The following COL23A1 variants were observed in gnomAD, a reference collection of about 807,000 sequenced individuals.
COL23A1 encodes the protein collagen type XXIII alpha 1 chain.
Under a neutral mutation model 99.3 loss-of-function variants are expected in COL23A1, and 97 were observed. The observed-to-expected ratio is 0.98, with a 90% CI of 0.83 to 1.16. The LOEUF (loss-of-function observed/expected upper bound fraction) is 1.16, where lower values mean the gene tolerates loss of function less well. COL23A1 is among the 50% of genes most tolerant of loss of function. The probability of loss-of-function intolerance (pLI) is 0.00; values close to 1 mark genes in which losing one functional copy is unlikely to be tolerated. For synonymous variants in COL23A1, 320 were observed against 308.2 expected (o/e 1.04, Z -0.40); for missense variants, 762 against 757.4 (o/e 1.01, Z -0.07).
intron 2 of COL23A1, among the ~76,000 whole-genome samples, chr5:178,557,508 GC>G (rs1762338166): frequency 6.6e-6 from 1 of 152,166 alleles, no homozygotes; most frequent in Admixed American, 6.5e-5. Context: ...CGAGAGAGAA[GC>G]CCCTGCCACC....
intron 2 of COL23A1, among the ~76,000 whole-genome samples, chr5:178,549,662 A>G (rs923702957): frequency 1.3e-5 from 2 of 152,122 alleles, no homozygotes; most frequent in Non-Finnish European, 2.9e-5. Context: ...CTAAATACAA[A>G]AAATTAGCCA....
chr5:178,560,581 C>T, intron 2 of COL23A1, 101 bp downstream of exon 2: 3 of 1,045,000 alleles, frequency 2.9e-6, no homozygotes, highest in Non-Finnish European at 4.2e-6. Context: ...AAGACGACAG[C>T]CTGACACCCC....
Position 178,301,467 on chromosome 5 carries a change from T to C in COL23A1, c.406+5408A>G, listed in dbSNP as rs531142287. Among the ~76,000 whole-genome samples, 101 of 152,348 alleles carry C rather than the reference T, an allele frequency of 6.6e-4. 1 individual carries two copies. The highest frequency in any genetic ancestry group is 2.4e-3 in the African/African-American group (98 of 41,584). Reference sequence around the variant, plus strand: ...AGTTTCTATTGACTGTACTTTTTCCTTTTTTACTGCCCTACTTTCCTGTCT... The same window carrying C: ...AGTTTCTATTGACTGTACTTTTTCCCTTTTTACTGCCCTACTTTCCTGTCT... On this transcript the variant is annotated intron_variant, in intron 3 of 28. Coordinates refer to ENST00000390654, the MANE Select transcript of COL23A1 (RefSeq NM_173465.4).
chr5:178,348,922 C>T (rs904932733), intron 2 of COL23A1, among the ~76,000 whole-genome samples: 9 of 152,202 alleles, frequency 5.9e-5, no homozygotes, highest in Admixed American at 1.3e-4. Context: ...CAGCCTCCCC[C>T]ACCCGCGTCA....
chr5:178,281,311 G>A lies in COL23A1; in HGVS notation c.441+7013C>T, dbSNP rs1352409060. 2.0e-5 allele frequency among the ~76,000 whole-genome samples: 3 copies of A among 152,234 alleles called. No homozygotes were observed. The highest frequency in any genetic ancestry group is 1.3e-4 in the Admixed American group (2 of 15,282). ...GCAAGAGAGCGTGTGAACGTGCGGT[G>A]CTCCATGGGCCTTTCTTGTTCACTT... On this transcript the variant is annotated intron_variant, in intron 5 of 28. Coordinates refer to ENST00000390654, the MANE Select transcript of COL23A1 (RefSeq NM_173465.4). This position sits in a 1 kb window ranked among gnomAD's most constrained non-coding sequence, Gnocchi z 4.0.
chr5:178,256,306 C>A, intron 15 of COL23A1, 47 bp downstream of exon 15: 7 of 1,458,072 alleles, frequency 4.8e-6, no homozygotes, highest in Non-Finnish European at 1.8e-6. Flanking sequence ...AGCTATGGGG[C>A]CCCTAGATCT....
At chr5:178,250,968 G>T (rs62388746) in intron 17 of COL23A1, among the ~76,000 whole-genome samples, 99,190 of 132,510 alleles carry the variant, frequency 0.75, 36,913 homozygotes, top group Middle Eastern at 0.85. Context: ...AAAAGAGCAA[G>T]ACTCCGTCTC....
chr5:178,472,448 G>A (rs928590236), intron 2 of COL23A1, among the ~76,000 whole-genome samples: 5 of 152,128 alleles, frequency 3.3e-5, no homozygotes, highest in South Asian at 2.1e-4. Flanking sequence ...GTCTGATTCC[G>A]GAGTTCTTGG....
At chr5:178,264,148 A>G (rs540515804) in intron 8 of COL23A1, among the ~76,000 whole-genome samples, 5 of 152,154 alleles carry the variant, frequency 3.3e-5, no homozygotes, top group African/African-American at 1.2e-4. Context: ...TGCACAGAAC[A>G]CACAAACGAG....
At chr5:178,259,815 C>G in intron 11 of COL23A1, 68 bp from the exon 12 acceptor site, 1 of 1,439,786 alleles carries the variant, frequency 6.9e-7, no homozygotes, top group Non-Finnish European at 9.5e-7. Context: ...GACCCCGGAC[C>G]TCTTGTTCCT....
At chr5:178,460,792 C>T (rs1756077808) in intron 2 of COL23A1, among the ~76,000 whole-genome samples, 1 of 152,084 alleles carries the variant, frequency 6.6e-6, no homozygotes, top group South Asian at 2.1e-4. Flanking sequence ...TCTTACCAGC[C>T]GTATGTTGCT....
chr5:178,509,975 G>T (rs1368276980), intron 2 of COL23A1, among the ~76,000 whole-genome samples: 2 of 152,172 alleles, frequency 1.3e-5, no homozygotes, highest in African/African-American at 2.4e-5. Context: ...CAACATTTCC[G>T]TCCTTAGTGC....
At chr5:178,550,362 C>A (rs1205450507) in intron 2 of COL23A1, among the ~76,000 whole-genome samples, 1 of 152,174 alleles carries the variant, frequency 6.6e-6, no homozygotes, top group Non-Finnish European at 1.5e-5. Flanking sequence ...CTGTCCTGGG[C>A]TTTGTAGGAC....
At chr5:178,429,730 C>T (rs910819517) in intron 2 of COL23A1, among the ~76,000 whole-genome samples, 4 of 150,954 alleles carry the variant, frequency 2.6e-5, no homozygotes, top group African/African-American at 9.8e-5. Flanking sequence ...GGGATCTGAG[C>T]ACATGGCCCT....
chr5:178,490,794 A>G (rs1757891964), intron 2 of COL23A1, among the ~76,000 whole-genome samples: 1 of 152,174 alleles, frequency 6.6e-6, no homozygotes, highest in Non-Finnish European at 1.5e-5. Flanking sequence ...AAAAAGATTT[A>G]AATGGTAAAT....
chr5:178,279,234 C>T (rs988420868), intron 5 of COL23A1, among the ~76,000 whole-genome samples: 11 of 152,214 alleles, frequency 7.2e-5, no homozygotes, highest in African/African-American at 1.9e-4. Context: ...TCCAGACTCA[C>T]GTGTCACCTC....
intron 2 of COL23A1, among the ~76,000 whole-genome samples, chr5:178,555,223 C>T (rs1343858503): frequency 1.3e-5 from 2 of 152,134 alleles, no homozygotes; most frequent in Non-Finnish European, 2.9e-5. Flanking sequence ...CCTCATGTCA[C>T]CTACTCTCCA....
chr5:178,560,688 G>T lies in COL23A1; in HGVS notation c.355C>A (p.Pro119Thr), dbSNP rs542519231. The change falls in exon 2 of 29, where the codon CCC becomes ACC. Residue 119 changes from proline (P) to threonine (T), a missense_variant. Pro to Thr is a conservative substitution (Grantham distance 38). Coordinates refer to ENST00000390654, the MANE Select transcript of COL23A1 (RefSeq NM_173465.4). ...GAGCTCAACCTTCACTTACCTGGGG[G>T]GCAGACACATTCGGATGGAGCTTCC... ...AREAPSECVC[P>T]PGPPGRRGKP... 1 of 1,612,984 alleles carries T rather than the reference G, an allele frequency of 6.2e-7. No homozygotes were observed. The highest frequency in any genetic ancestry group is 8.5e-7 in the Non-Finnish European group (1 of 1,179,742).
At chr5:178,241,025 G>A (rs936551389) in intron 27 of COL23A1, among the ~76,000 whole-genome samples, 2 of 152,162 alleles carry the variant, frequency 1.3e-5, no homozygotes, top group Admixed American at 6.5e-5. Flanking sequence ...ACAATCGCTT[G>A]AGCCCAGACC....
Sources: gnomAD v4.1 joint callset for allele counts (sites outside exome capture counted in the v4.1 genomes callset) on GRCh38, gnomAD v4.1.1 for gene constraint, Gnocchi (gnomAD v3.1) non-coding constraint, MANE v1.5 for transcripts, NCBI Gene and HGNC (gene_info 2026-07-23, HGNC 2026-07-21) for gene names.